Variants in RUVBL2 observed in about 807,000 individuals in gnomAD.
The protein encoded by RUVBL2 is RuvB like AAA ATPase 2, also known as ruvB-like 2.
RUVBL2 carries 9 observed loss-of-function variants against 57.9 expected under a neutral mutation model. The observed-to-expected ratio is 0.16, with a 90% confidence interval of 0.09 to 0.27. RUVBL2 has a LOEUF of 0.27. RUVBL2 is among the 10% of genes least tolerant of loss of function. RUVBL2 has a pLI of 1.00. For missense variants in RUVBL2, 456 were observed against 669.6 expected (o/e 0.68, Z 3.52); for synonymous variants, 278 against 264.6 (o/e 1.05, Z -0.49).
intron 3 of RUVBL2, among the ~76,000 whole-genome samples, chr19:49,004,045 G>A (rs2039234539): frequency 1.4e-5 from 2 of 147,842 alleles, no homozygotes; most frequent in South Asian, 4.3e-4. Context: ...GATCCCTAGA[G>A]GTCAAGGCTA....
At chr19:49,010,120 C>T in intron 8 of RUVBL2, 54 bp downstream of exon 8, 9 of 1,483,864 alleles carry the variant, frequency 6.1e-6, no homozygotes, top group Non-Finnish European at 7.4e-6. Flanking sequence ...GTGTTTTCAT[C>T]TCCTCCATCA....
At chr19:49,005,030 G>T (rs1329927003) in intron 4 of RUVBL2, among the ~76,000 whole-genome samples, 1 of 151,848 alleles carries the variant, frequency 6.6e-6, no homozygotes, top group Admixed American at 6.6e-5. Context: ...GAAGGGGAAG[G>T]TGGGTATTGA....
At chr19:49,002,876 C>T (rs147899428) in intron 2 of RUVBL2, among the ~76,000 whole-genome samples, 3,043 of 152,058 alleles carry the variant, frequency 0.02, 90 homozygotes, top group African/African-American at 0.069. Flanking sequence ...GGAGCCACTG[C>T]GCCCGGCCCC....
chr19:49,009,411 C>T (rs191709907), intron 6 of RUVBL2, among the ~76,000 whole-genome samples: 18 of 151,432 alleles, frequency 1.2e-4, no homozygotes, highest in African/African-American at 2.4e-4. Flanking sequence ...GGCGTGAACC[C>T]GGGAGGCAGA....
chr19:49,015,948 T>G lies in RUVBL2; in HGVS notation c.*106T>G, dbSNP rs1301493688. The G allele has an allele frequency of 1.9e-6, 3 of 1,614,100 alleles. No individual in the cohort carries two copies. The African/African-American group carries it at 4.0e-5, about 22-fold the overall frequency. On this transcript the variant is annotated 3_prime_UTR_variant, in exon 15 of 15. Coordinates refer to ENST00000595090, the MANE Select transcript of RUVBL2 (RefSeq NM_006666.3). ...TGCACCCACCCTGTGTATGTGTGGT[T>G]GCCCTGAGCCCACAGAAAGACACCT...
chr19:49,004,367 G>A lies in RUVBL2; in HGVS notation c.214G>A (p.Ala72Thr), dbSNP rs908479966. ...MIREGKIAGR[A>T]VLIAGQPGTG... ...CCGGGAAGGGAAGATTGCCGGTCGG[G>A]CAGTCCTTATTGCTGGCCAGCCGGG... Residue 72 changes from alanine (A) to threonine (T), a missense_variant, in exon 4 of 15, where the codon GCA becomes ACA. By Grantham distance (58) the Ala-to-Thr change is moderately conservative. Around this residue, in one of 5 missense-constraint regions of RUVBL2, gnomAD observed 233 missense variants for 306.0 expected, o/e 0.76. Transcript: ENST00000595090. 2 of 1,613,172 alleles carry A rather than the reference G, an allele frequency of 1.2e-6. No homozygotes were observed. The highest frequency in any genetic ancestry group is 8.5e-7 in the Non-Finnish European group (1 of 1,180,006).
At chr19:48,997,300 A>G (rs2039080850) in intron 1 of RUVBL2, among the ~76,000 whole-genome samples, 1 of 152,140 alleles carries the variant, frequency 6.6e-6, no homozygotes, top group Non-Finnish European at 1.5e-5. Context: ...TAATGTTTTC[A>G]AAGTTCATCC....
chr19:49,006,953 A>C, intron 4 of RUVBL2, 65 bp from the exon 5 acceptor site: 1 of 1,586,560 alleles, frequency 6.3e-7, no homozygotes, highest in Non-Finnish European at 8.6e-7. Context: ...CTAGTTTGCC[A>C]CAGAGCAGGT....
In RUVBL2 at chr19:49,007,025, G is replaced by A. The variant is rs367568788; in HGVS notation, c.273G>A (p.Ala91=). ...AGACTGCCTCCTTCCCAGGCATGGCGCAGGCCCTGGGCCCTGACACGCCAT... is the reference window on the plus strand; with the variant it reads ...AGACTGCCTCCTTCCCAGGCATGGCACAGGCCCTGGGCCCTGACACGCCAT... ...TGKTAIAMGM[A]QALGPDTPFT... Residue 91 remains alanine, a synonymous_variant, in exon 5 of 15, where the codon GCG becomes GCA. Transcript: ENST00000595090. The A allele has an allele frequency of 3.4e-5, 55 of 1,612,852 alleles. No homozygotes were observed. The African/African-American group carries it at 6.1e-4, about 18-fold the overall frequency.
In RUVBL2 at chr19:49,015,680, G is replaced by A. The variant is rs199789625; in HGVS notation, c.1360G>A (p.Glu454Lys). The A allele has an allele frequency of 1.1e-4, 175 of 1,613,554 alleles. No homozygotes were observed. Among genetic ancestry groups the A allele is most frequent in the Non-Finnish European group, 1.4e-4 (168 of 1,179,744 alleles). ...KEYQDAFLFN[E>K]LKGETMDTS ...GTACCAGGACGCCTTCCTCTTCAAC[G>A]AACTCAGTAAGAATCCCCACCCCGC... Residue 454 changes from glutamate (E) to lysine (K), a missense_variant, in exon 14 of 15, where the codon GAA becomes AAA. Physicochemically the swap from Glu to Lys is moderately conservative, Grantham distance 56. Transcript: ENST00000595090.
Position 49,010,483 on chromosome 19 carries a change from C to CCCCACCCACA in RUVBL2, c.664-5_664-4insCCCACCCACA. On this transcript the variant is annotated splice_polypyrimidine_tract_variant and splice_region_variant and intron_variant, in intron 8 of 14. Transcript: ENST00000595090. ...CGCCGTTCTTCCCCCACCCCCGCCC[C>CCCCACCCACA]ATAGACCAAGTTCGTGCAGTGCCCA... The CCCCACCCACA allele has an allele frequency of 1.3e-6, 2 of 1,575,992 alleles. No homozygotes were observed. Among genetic ancestry groups the CCCCACCCACA allele is most frequent in the Admixed American group, 1.7e-5 (1 of 59,396 alleles).
At position 49,011,557 on chromosome 19, in the gene RUVBL2, G is replaced by A. The variant is rs4802535; in HGVS notation, c.1001+247G>A. On this transcript the variant is annotated intron_variant, in intron 11 of 14. Coordinates refer to ENST00000595090, the MANE Select transcript of RUVBL2 (RefSeq NM_006666.3). This position sits in a 1 kb window ranked among gnomAD's most constrained non-coding sequence, Gnocchi z 4.4. Reference sequence around the variant, plus strand: ...CCCAAGGCTGCAGTCTTCAAACTGCGTGCCGAGGCACCCCAGGGTGCTGCA... The same window carrying A: ...CCCAAGGCTGCAGTCTTCAAACTGCATGCCGAGGCACCCCAGGGTGCTGCA... Among the ~76,000 whole-genome samples the A allele has an allele frequency of 0.56, 85,829 of 152,094 alleles. 24,742 individuals are homozygous for A. Among genetic ancestry groups the A allele is most frequent in the Admixed American group, 0.66 (10,045 of 15,282 alleles).
chr19:49,003,732 C>T (rs1435503732), intron 3 of RUVBL2, among the ~76,000 whole-genome samples: 1 of 150,328 alleles, frequency 6.7e-6, no homozygotes, highest in Non-Finnish European at 1.5e-5. Flanking sequence ...TGCAATGAGC[C>T]GAGATTGTGC....
chr19:48,994,198 C>A, intron 1 of RUVBL2: 1 of 540,944 alleles, frequency 1.8e-6, no homozygotes, highest in East Asian at 3.0e-5. Context: ...TCAAAATCAT[C>A]TTGGCGCAAC....
chr19:49,009,800 C>G lies in RUVBL2; in HGVS notation c.487C>G (p.Leu163Val). The change falls in exon 7 of 15, where the codon CTC (leucine) becomes GTC (valine). Residue 163 changes from leucine to valine, a missense_variant. Physicochemically the swap from Leu to Val is conservative, Grantham distance 32. Around this residue, in one of 5 missense-constraint regions of RUVBL2, gnomAD observed 233 missense variants for 306.0 expected, o/e 0.76. Coordinates refer to ENST00000595090, the MANE Select transcript of RUVBL2 (RefSeq NM_006666.3). ...GTGSKVGKLT[L>V]KTTEMETIYD... ...GGGCTCCAAGGTGGGCAAACTGACC[C>G]TCAAGACCACAGAGATGGAGACCAT... 1 of 1,614,046 alleles carries G rather than the reference C, an allele frequency of 6.2e-7. No individual in the cohort carries two copies. The highest frequency in any genetic ancestry group is 8.5e-7 in the Non-Finnish European group (1 of 1,179,986).
intron 8 of RUVBL2, 38 bp from the exon 9 acceptor site, chr19:49,010,450 C>A: frequency 1.2e-6 from 2 of 1,607,712 alleles, no homozygotes; most frequent in South Asian, 1.1e-5. Flanking sequence ...CCTTCCCTGC[C>A]CTGTCTCCGC....
At position 49,009,862 on chromosome 19, in the gene RUVBL2, C is replaced by G. The variant is rs1291737627; in HGVS notation, c.549C>G (p.Thr183=). 6.2e-7 allele frequency: 1 copy of G among 1,613,954 alleles called. No homozygotes were observed. The highest frequency in any genetic ancestry group is 8.5e-7 in the Non-Finnish European group (1 of 1,180,000). Residue 183 remains threonine (T), a synonymous_variant, in exon 7 of 15, where the codon ACC becomes ACG. Coordinates refer to ENST00000595090, the MANE Select transcript of RUVBL2 (RefSeq NM_006666.3). ...DLGTKMIESL[T]KDKVQAGDVI... ...GCACCAAGATGATTGAGTCCCTGAC[C>G]AAGGACAAGGTCCAGGCCGGGTGAG...
chr19:49,004,844 A>T (rs1326058130), intron 4 of RUVBL2, among the ~76,000 whole-genome samples: 1 of 152,162 alleles, frequency 6.6e-6, no homozygotes, highest in Non-Finnish European at 1.5e-5. Flanking sequence ...TAATCATATG[A>T]TCACACTCTG....
At chr19:49,004,540 C>T in intron 4 of RUVBL2, 122 bp downstream of exon 4, 1 of 948,292 alleles carries the variant, frequency 1.1e-6, no homozygotes, top group Non-Finnish European at 1.6e-6. Flanking sequence ...CTTAAACACT[C>T]AGGATTCATT....
Sources: allele counts gnomAD v4.1 joint callset (sites outside exome capture counted in the v4.1 genomes callset), GRCh38; gene constraint gnomAD v4.1.1; regional missense constraint gnomAD v4.1.1; non-coding constraint Gnocchi (gnomAD v3.1); transcripts MANE v1.5; gene names NCBI Gene and HGNC (gene_info 2026-07-23, HGNC 2026-07-21).